Variants in SCNN1B observed in about 807,000 individuals in gnomAD.
The protein encoded by SCNN1B is epithelial sodium channel subunit beta.
Under a neutral mutation model 65.3 loss-of-function variants are expected in SCNN1B, and 46 were observed. That is an observed-to-expected ratio of 0.70 (90% CI 0.56 to 0.90). SCNN1B has a LOEUF of 0.90. Ranked by LOEUF, SCNN1B falls within the 40% of genes least tolerant of loss-of-function variation. The pLI is 0.00. For missense variants in SCNN1B, 751 were observed against 830.5 expected (o/e 0.90, Z 1.18); for synonymous variants, 349 against 330.6 (o/e 1.06, Z -0.60).
chr16:23,375,549 G>A (rs1037603293), intron 7 of SCNN1B, among the ~76,000 whole-genome samples, 189 bp from the exon 8 acceptor site: 11 of 152,142 alleles, frequency 7.2e-5, no homozygotes, highest in African/African-American at 1.7e-4. Flanking sequence ...GCCCAAAAGC[G>A]TCCAGGACTG....
intron 4 of SCNN1B, among the ~76,000 whole-genome samples, chr16:23,355,691 C>T (rs1962406231): frequency 6.6e-6 from 1 of 152,054 alleles, no homozygotes; most frequent in South Asian, 2.1e-4. Context: ...TTGAAGAGCT[C>T]GCGAAGCATT....
chr16:23,305,522 CAA>C (rs1961176221), intron 1 of SCNN1B, among the ~76,000 whole-genome samples: 2 of 1,876 alleles, frequency 1.1e-3, no homozygotes, highest in South Asian at 0.026. Flanking sequence ...CCATCTCTAC[CAA>C]ATATATATAT....
intron 2 of SCNN1B, among the ~76,000 whole-genome samples, chr16:23,286,403 T>G (rs1361315467): frequency 1.3e-5 from 2 of 152,192 alleles, no homozygotes; most frequent in Non-Finnish European, 2.9e-5. Flanking sequence ...AACTTACTGG[T>G]TCTGAGAGAA....
At chr16:23,293,284 G>A (rs1433956601) in intron 2 of SCNN1B, among the ~76,000 whole-genome samples, 1 of 151,918 alleles carries the variant, frequency 6.6e-6, no homozygotes, top group South Asian at 2.1e-4. Context: ...ACAGATAAAT[G>A]GACAAACGAA....
intron 1 of SCNN1B, among the ~76,000 whole-genome samples, chr16:23,318,970 T>C (rs1252701896): frequency 6.6e-6 from 1 of 152,162 alleles, no homozygotes; most frequent in Non-Finnish European, 1.5e-5. Flanking sequence ...CAGGGGTGAT[T>C]CTGTGTGCAA....
intron 1 of SCNN1B, among the ~76,000 whole-genome samples, chr16:23,329,320 T>C (rs1961762338): frequency 6.6e-6 from 1 of 151,788 alleles, no homozygotes; most frequent in African/African-American, 2.4e-5. Context: ...TTCACTGTAT[T>C]GCCCAGACTG....
chr16:23,318,972 T>C (rs1227465322), intron 1 of SCNN1B, among the ~76,000 whole-genome samples: 1 of 152,172 alleles, frequency 6.6e-6, no homozygotes, highest in African/African-American at 2.4e-5. Flanking sequence ...GGGGTGATTC[T>C]GTGTGCAAAC....
chr16:23,285,565 A>C (rs11863062), intron 2 of SCNN1B, among the ~76,000 whole-genome samples: 20,912 of 152,144 alleles, frequency 0.14, 1,580 homozygotes, highest in East Asian at 0.28. Context: ...CAGGAGACTC[A>C]CTTGAGCCCG....
intron 1 of SCNN1B, among the ~76,000 whole-genome samples, chr16:23,345,672 T>A (rs1467820511): frequency 6.6e-6 from 1 of 152,058 alleles, no homozygotes; most frequent in Non-Finnish European, 1.5e-5. Context: ...CACATGCACA[T>A]CTCCCAGAGC....
At chr16:23,303,752 C>CA (rs57357047) in intron 1 of SCNN1B, among the ~76,000 whole-genome samples, 4,131 of 110,092 alleles carry the variant, frequency 0.038, 79 homozygotes, top group South Asian at 0.069. Flanking sequence ...CCCATTTCTA[C>CA]AAAAAAAAAA....
rs1159412406 is a variant in SCNN1B at position 23,378,734 on chromosome 16, A to G, written c.1433A>G (p.Glu478Gly). 6.2e-7 allele frequency: 1 copy of G among 1,614,078 alleles called. No individual in the cohort carries two copies. The highest frequency in any genetic ancestry group is 1.1e-5 in the South Asian group (1 of 91,078). The change falls in exon 11 of 13, where the codon GAG becomes GGG. Residue 478 changes from glutamate to glycine, a missense_variant. Transcript: ENST00000343070. ...TGGATTTTCCACGTCTTGTCTCAGGAGCGGGACCAAAGCACCAATATCACC... is the reference window on the plus strand; with the variant it reads ...TGGATTTTCCACGTCTTGTCTCAGGGGCGGGACCAAAGCACCAATATCACC... The part of the protein sequence containing the change: ...EDWIFHVLSQ[E>G]RDQSTNITLS...
chr16:23,375,739 C>T lies in SCNN1B; in HGVS notation c.1154C>T (p.Ala385Val). 6.2e-7 allele frequency: 1 copy of T among 1,610,532 alleles called. No homozygotes were observed. ...TTATGAACCCCCTACCCTCCCCAGG[C>T]CTGTCTTCGCTCCTGCTTCCAAGAC... The part of the protein sequence containing the change: ...SDYNTTYSIQ[A>V]CLRSCFQDHM... The change falls in exon 8 of 13, where the codon GCC becomes GTC. Residue 385 changes from alanine to valine, a missense_variant and splice_region_variant. Transcript: ENST00000343070.
intron 1 of SCNN1B, among the ~76,000 whole-genome samples, chr16:23,314,878 G>A (rs72652290): frequency 0.015 from 2,347 of 152,256 alleles, 36 homozygotes; most frequent in Middle Eastern, 0.078. Flanking sequence ...TGGACCCTGG[G>A]CCTCCCTCCC....
chr16:23,290,728 G>C (rs1960910471), intron 2 of SCNN1B, among the ~76,000 whole-genome samples: 1 of 152,114 alleles, frequency 6.6e-6, no homozygotes, highest in East Asian at 1.9e-4. Context: ...CTCGTATTCA[G>C]CTGTAAACCC....
Position 23,336,010 on chromosome 16 carries a change from G to A in SCNN1B, c.-8-12582G>A, listed in dbSNP as rs72654311. Among the ~76,000 whole-genome samples the A allele has an allele frequency of 5.0e-3, 757 of 152,280 alleles. 9 individuals carry two copies. The highest frequency in any genetic ancestry group is 0.017 in the African/African-American group (687 of 41,552). On this transcript the variant is annotated intron_variant, in intron 1 of 12. Transcript: ENST00000343070. ...AGGTTCATAGGTGCACACAGAGGAT[G>A]CGGGCAGCTGCATGGCCCCACTTCA...
At chr16:23,320,015 C>T (rs1372050618) in intron 1 of SCNN1B, among the ~76,000 whole-genome samples, 1 of 152,116 alleles carries the variant, frequency 6.6e-6, no homozygotes, top group African/African-American at 2.4e-5. Flanking sequence ...CCAAAGTGCT[C>T]AGATTACAGG....
chr16:23,324,676 C>T (rs11639694), intron 1 of SCNN1B, among the ~76,000 whole-genome samples: 2,466 of 152,242 alleles, frequency 0.016, 26 homozygotes, highest in Non-Finnish European at 0.026. Flanking sequence ...CTCCCTTCTC[C>T]ACCTCTACCC....
Position 23,381,152 on chromosome 16 carries a change from C to T in SCNN1B, c.*351C>T, listed in dbSNP as rs111639684. 9.6e-4 allele frequency: 338 copies of T among 352,354 alleles called. 3 individuals carry two copies. The highest frequency in any genetic ancestry group is 6.2e-3 in the African/African-American group (300 of 48,112). 21.8% of individuals were successfully genotyped at this position (352,354 alleles called of 1,614,324 possible). A position where few individuals can be genotyped will look rare whatever the true frequency, so the allele number is the denominator to read the frequency against. ...TCCATCCACCCCAGAGAGGAACAGG[C>T]GGGTGGGCCATGTGGTTTTCTCCTT... On this transcript the variant is annotated 3_prime_UTR_variant, in exon 13 of 13. Coordinates refer to ENST00000343070, the MANE Select transcript of SCNN1B (RefSeq NM_000336.3).
intron 1 of SCNN1B, among the ~76,000 whole-genome samples, chr16:23,310,050 G>A (rs921656045): frequency 5.9e-5 from 9 of 152,028 alleles, no homozygotes; most frequent in Non-Finnish European, 1.0e-4. Flanking sequence ...CAAGAAGCAC[G>A]CCCCTCCACA....
Sources: allele counts gnomAD v4.1 joint callset (sites outside exome capture counted in the v4.1 genomes callset), GRCh38; gene constraint gnomAD v4.1.1; transcripts MANE v1.5; gene names NCBI Gene and HGNC (gene_info 2026-07-23, HGNC 2026-07-21).